ENDOU: variants seen among roughly 807,000 people sequenced by gnomAD.
The protein encoded by ENDOU is uridylate-specific endoribonuclease.
ENDOU carries 49 observed loss-of-function variants against 54.2 expected under a neutral mutation model. The ratio of observed to expected loss-of-function variants is 0.90; its 90% CI spans 0.72 to 1.15. The LOEUF (loss-of-function observed/expected upper bound fraction) is 1.15. Ranked by LOEUF, ENDOU falls within the 50% of genes most tolerant of loss-of-function variation. The pLI, the probability that ENDOU is intolerant of heterozygous loss-of-function variation, is 0.00. For synonymous variants in ENDOU, 172 were observed against 190.5 expected, an observed-to-expected ratio of 0.90 and a Z score of 0.80; for missense variants, 458 against 511.4, an observed-to-expected ratio of 0.90 and a Z score of 1.01.
intron 3 of ENDOU, 130 bp from the exon 4 acceptor site, chr12:47,717,785 C>A: frequency 1.0e-6 from 1 of 967,788 alleles, no homozygotes; most frequent in Non-Finnish European, 1.6e-6. Flanking sequence ...GGAAAACAAA[C>A]AAACCTAATT....
rs989536252 is a variant in ENDOU at position 47,720,639 on chromosome 12, G to A, written c.178+114C>T. ...CTGCCTCTGTCCCTCAGTGCTTTCTGTCCAGACCCTTAGAGCCCCTGTGAG... is the reference window on the plus strand; with the variant it reads ...CTGCCTCTGTCCCTCAGTGCTTTCTATCCAGACCCTTAGAGCCCCTGTGAG... On this transcript the variant is annotated intron_variant, in intron 2 of 9. Coordinates refer to ENST00000422538, the MANE Select transcript of ENDOU (RefSeq NM_001172439.2). 2.6e-5 allele frequency: 32 copies of A among 1,215,800 alleles called. 1 individual carries two copies. The highest frequency in any genetic ancestry group is 1.9e-4 in the East Asian group (7 of 37,490). 75.3% of individuals were successfully genotyped at this position (1,215,800 alleles called of 1,614,324 possible).
chr12:47,720,651 A>G, intron 2 of ENDOU, 102 bp downstream of exon 2: 2 of 1,307,354 alleles, frequency 1.5e-6, no homozygotes, highest in Non-Finnish European at 2.1e-6. Flanking sequence ...CCAGACCCTT[A>G]GAGCCCCTGT....
At chr12:47,719,567 A>C (rs571050366) in intron 2 of ENDOU, 1 of 152,116 alleles carries the variant, frequency 6.6e-6, no homozygotes, top group African/African-American at 2.4e-5. Context: ...GTGATAGTGA[A>C]TAAGTCTCAC....
rs368944624 is a variant in ENDOU, at chr12:47,716,958, G to A, written c.483C>T (p.Ile161=). The A allele has an allele frequency of 5.6e-6, 9 of 1,614,030 alleles. No individual in the cohort carries two copies. The highest frequency in any genetic ancestry group is 2.2e-5 in the East Asian group (1 of 44,892). ...ADTNKAQKED[I]VLNSQNCISP... is the part of the protein sequence containing the mutation. The stretch of plus-strand genomic sequence containing the variant: ...AGATGCAGTTTTGGCTATTGAGAAC[G>A]ATGTCTTCCTTCTGGGCTTTGTTGG... The change falls in exon 5 of 10, where the codon ATC becomes ATT. Residue 161 remains isoleucine (I), a synonymous_variant. Coordinates refer to ENST00000422538, the MANE Select transcript of ENDOU (RefSeq NM_001172439.2).
Position 47,710,619 on chromosome 12 carries a change from A to G in ENDOU, c.*183T>C. 1 of 575,540 alleles carries G rather than the reference A, an allele frequency of 1.7e-6. No individual in the cohort carries two copies. The highest frequency in any genetic ancestry group is 3.1e-6 in the Non-Finnish European group (1 of 317,706). 35.7% of individuals were successfully genotyped at this position (575,540 alleles called of 1,614,324 possible). On this transcript the variant is annotated 3_prime_UTR_variant, in exon 10 of 10. Transcript: ENST00000422538. ...AGGATAAAGGTTTGACTGTTTATCC[A>G]CATTTTTCTAATTTGTACATTTTAT...
chr12:47,720,952 A>G, intron 1 of ENDOU, 77 bp from the exon 2 acceptor site: 1 of 1,423,560 alleles, frequency 7.0e-7, no homozygotes, highest in Non-Finnish European at 9.5e-7. Flanking sequence ...AGGAGGGTTC[A>G]CAGACCAGGG....
In ENDOU at chr12:47,712,620, C is replaced by T; in HGVS notation, c.868G>A (p.Glu290Lys). The T allele has an allele frequency of 1.2e-6, 2 of 1,611,826 alleles. No individual in the cohort carries two copies. Among genetic ancestry groups the T allele is most frequent in the Non-Finnish European group, 1.7e-6 (2 of 1,178,044 alleles). ...CCAGTAACCTTGCCTTTTTTTACCT[C>T]ACCTATAATAAAGAGTCCAAGATGG... Reference protein sequence around the residue: ...SSGFEHVFSGEVKKGKVTGFH... With the variant: ...SSGFEHVFSGKVKKGKVTGFH... The change falls in exon 8 of 10, where the codon GAG becomes AAG. Residue 290 changes from glutamate (E) to lysine (K), a missense_variant and splice_region_variant. By Grantham distance (56) the Glu-to-Lys change is moderately conservative. Coordinates refer to ENST00000422538, the MANE Select transcript of ENDOU (RefSeq NM_001172439.2).
At chr12:47,720,947 G>C in intron 1 of ENDOU, 72 bp from the exon 2 acceptor site, 1 of 1,465,422 alleles carries the variant, frequency 6.8e-7, no homozygotes, top group South Asian at 1.2e-5. Flanking sequence ...CCTGCAGGAG[G>C]GTTCACAGAC....
chr12:47,713,297 A>ACT lies in ENDOU; in HGVS notation c.841_842dup (p.Ser281ArgfsTer12). ...CACCTGAGAAGACATGTTCAAAGCCACTCGAGTCCCCCTCTTCATTGCCTC... is the reference window on the plus strand; with the variant it reads ...CACCTGAGAAGACATGTTCAAAGCCACTCTCGAGTCCCCCTCTTCATTGCCTC... On this transcript the variant is annotated frameshift_variant, in exon 7 of 10. Transcript: ENST00000422538. LOFTEE classifies it high-confidence loss of function. The ACT allele has an allele frequency of 6.2e-7, 1 of 1,611,696 alleles. No individual in the cohort carries two copies.
intron 1 of ENDOU, among the ~76,000 whole-genome samples, chr12:47,724,771 C>G (rs1375911286): frequency 6.6e-6 from 1 of 152,166 alleles, no homozygotes; most frequent in Non-Finnish European, 1.5e-5. Flanking sequence ...GGGCCAGGTC[C>G]CTTCTGTATT....
intron 9 of ENDOU, 25 bp downstream of exon 9, chr12:47,711,608 C>T: frequency 1.2e-6 from 2 of 1,608,386 alleles, no homozygotes; most frequent in South Asian, 1.1e-5. Flanking sequence ...AGTCTGCCCC[C>T]AGGCCTGGCT....
chr12:47,718,024 G>T, intron 3 of ENDOU, 105 bp downstream of exon 3: 1 of 1,018,408 alleles, frequency 9.8e-7, no homozygotes, highest in South Asian at 1.4e-5. Flanking sequence ...TCTCTCATCT[G>T]GCTGAGGCCT....
At chr12:47,716,574 G>A in intron 5 of ENDOU, 75 bp from the exon 6 acceptor site, 3 of 1,414,052 alleles carry the variant, frequency 2.1e-6, no homozygotes, top group Non-Finnish European at 2.9e-6. Context: ...CTTCTAGACA[G>A]GCCAGGGGCA....
chr12:47,723,390 C>A (rs2136693609), intron 1 of ENDOU, among the ~76,000 whole-genome samples: 1 of 152,232 alleles, frequency 6.6e-6, no homozygotes, highest in East Asian at 1.9e-4. Context: ...ACCCTAACAA[C>A]TCACTCCAGC....
intron 4 of ENDOU, 149 bp from the exon 5 acceptor site, chr12:47,717,207 G>T: frequency 1.5e-6 from 1 of 688,272 alleles, no homozygotes; most frequent in Non-Finnish European, 2.5e-6. Flanking sequence ...TGGTGGACAG[G>T]GGCCCAGAGC....
chr12:47,711,798 G>A, intron 8 of ENDOU, 23 bp from the exon 9 acceptor site: 3 of 1,613,706 alleles, frequency 1.9e-6, no homozygotes, highest in Non-Finnish European at 1.7e-6. Context: ...GGGCAGAAAA[G>A]GGGGTCTGGT....
In ENDOU at chr12:47,709,770, G is replaced by A. The variant is rs1431704254; in HGVS notation, c.*1032C>T. 1 of 152,176 alleles carries A rather than the reference G, an allele frequency of 6.6e-6. No homozygotes were observed. The highest frequency in any genetic ancestry group is 2.4e-5 in the African/African-American group (1 of 41,436). The allele number at this position is 152,176 out of a possible 1,614,324, so 9.4% of individuals were successfully genotyped here. ...CTTCAATGACTTTAATTGGAAACTT[G>A]AACCTTCTAAACCATAGTTCACACC... is the stretch of plus-strand genomic sequence containing the variant. On this transcript the variant is annotated 3_prime_UTR_variant, in exon 10 of 10. Transcript: ENST00000422538.
chr12:47,720,784 GT>G lies in ENDOU; in HGVS notation c.146del (p.Asn49ThrfsTer88), dbSNP rs1458685203. ...QCDRRCLWHGNCCEDYEHLCT... is the reference protein window; with the variant it reads ...QCDRRCLWHGXCCEDYEHLCT... ...ACAGATGTTCATAGTCTTCACAGCA[GT>G]TCCCATGCCAGAGACACCGGCGGTC... On this transcript the variant is annotated frameshift_variant, in exon 2 of 10. Coordinates refer to ENST00000422538, the MANE Select transcript of ENDOU (RefSeq NM_001172439.2). LOFTEE classifies it high-confidence loss of function. The G allele has an allele frequency of 3.3e-6, 5 of 1,536,030 alleles. No individual in the cohort carries two copies. The African/African-American group carries it at 6.8e-5, about 21-fold the overall frequency.
rs1320254841 is a variant in ENDOU at position 47,723,022 on chromosome 12, G to C, written c.56-2147C>G. On this transcript the variant is annotated intron_variant, in intron 1 of 9. Coordinates refer to ENST00000422538, the MANE Select transcript of ENDOU (RefSeq NM_001172439.2). ...TGGCAGTACACCCAGAATCCAAAGG[G>C]AGAGAATTCAGGCAAATCAGGGCAA... Among the ~76,000 whole-genome samples the C allele has an allele frequency of 3.9e-5, 6 of 152,354 alleles. No individual in the cohort carries two copies. The East Asian group carries it at 5.8e-4, about 15-fold the overall frequency.
Sources: allele counts gnomAD v4.1 joint callset (sites outside exome capture counted in the v4.1 genomes callset), GRCh38; gene constraint gnomAD v4.1.1; transcripts MANE v1.5; gene names NCBI Gene and HGNC (gene_info 2026-07-23, HGNC 2026-07-21).